WDFY4: variants seen among roughly 807,000 people sequenced by gnomAD.
The protein encoded by WDFY4 is WDFY family member 4, also known as WD repeat- and FYVE domain-containing protein 4.
Under a neutral mutation model 351.9 loss-of-function variants are expected in WDFY4, and 169 were observed. The ratio of observed to expected loss-of-function variants is 0.48; its 90% CI spans 0.42 to 0.55. WDFY4 has a LOEUF of 0.55. Among genes scored for constraint, WDFY4 ranks in the 20% least tolerant of loss-of-function variants. WDFY4 has a pLI of 0.00. For synonymous variants in WDFY4, 1,622 were observed against 1,574.6 expected (o/e 1.03, Z -0.71); for missense variants, 3,803 against 3,935.6 (o/e 0.97, Z 0.90).
intron 24 of WDFY4, among the ~76,000 whole-genome samples, chr10:48,800,180 A>G (rs887185808): frequency 1.3e-5 from 2 of 152,206 alleles, no homozygotes; most frequent in African/African-American, 2.4e-5. Context: ...CACCGCGCCC[A>G]GCCGGTTTCG....
chr10:48,833,172 TGAGAGAGA>T (rs35354863), intron 39 of WDFY4, among the ~76,000 whole-genome samples: 2 of 135,818 alleles, frequency 1.5e-5, no homozygotes, highest in African/African-American at 5.5e-5. Flanking sequence ...TGTGTGTGTG[TGAGAGAGA>T]GAGAGAGAGA....
At chr10:48,763,677 C>A (rs1287421231) in intron 13 of WDFY4, among the ~76,000 whole-genome samples, 1 of 152,200 alleles carries the variant, frequency 6.6e-6, no homozygotes, top group African/African-American at 2.4e-5. Flanking sequence ...ATGAAGTATG[C>A]AACTGATAAT....
Position 48,725,903 on chromosome 10 carries a change from A to G in WDFY4, c.614A>G (p.Asp205Gly), listed in dbSNP as rs2064252526. 1 of 1,545,076 alleles carries G rather than the reference A, an allele frequency of 6.5e-7. No individual in the cohort carries two copies. Among genetic ancestry groups the G allele is most frequent in the Non-Finnish European group, 8.8e-7 (1 of 1,141,594 alleles). ...CAGATGTTGCTCAATATTTGCAGTG[A>G]CTCTCAGGGCCTGGAGGGACTCCTC... ...FVQMLLNICS[D>G]SQGLEGLLSG... Residue 205 changes from aspartate (D) to glycine (G), a missense_variant, in exon 6 of 62, where the codon GAC becomes GGC. Transcript: ENST00000325239.
chr10:48,975,988 T>TA (rs953938959), intron 58 of WDFY4, among the ~76,000 whole-genome samples: 24 of 152,308 alleles, frequency 1.6e-4, no homozygotes, highest in African/African-American at 5.8e-4. Flanking sequence ...ATTGTGTCCC[T>TA]AGACCCCAGA....
At chr10:48,900,645 T>G (rs914031172) in intron 46 of WDFY4, among the ~76,000 whole-genome samples, 1 of 152,210 alleles carries the variant, frequency 6.6e-6, no homozygotes, top group African/African-American at 2.4e-5. Context: ...CTGGCTTTAT[T>G]TTCTAATTTT....
chr10:48,775,801 G>C lies in WDFY4; in HGVS notation c.2858G>C (p.Cys953Ser), dbSNP rs865897764. 6.4e-7 allele frequency: 1 copy of C among 1,551,632 alleles called. No homozygotes were observed. Residue 953 changes from cysteine to serine, a missense_variant, in exon 15 of 62, where the codon TGC becomes TCC. By Grantham distance (112) the Cys-to-Ser change is moderately radical. This residue lies in a region of WDFY4 where 3,054 missense variants were observed against 3,148.6 expected (regional missense o/e 0.97). Coordinates refer to ENST00000325239, the MANE Select transcript of WDFY4 (RefSeq NM_001394531.1). ...CACACACACAGAGGCAACCCTGGGT[G>C]CTCAGGTGAGGACAGTGGCAAGAAC... is the stretch of plus-strand genomic sequence containing the variant. ...SSHTHRGNPG[C>S]SGSQTAQGLA...
At chr10:48,735,856 C>G (rs1372967748) in intron 10 of WDFY4, 24 bp from the exon 11 acceptor site, 2 of 1,545,460 alleles carry the variant, frequency 1.3e-6, no homozygotes, top group African/African-American at 1.4e-5. Flanking sequence ...TGCCCTAGCC[C>G]CATTCTGTCT....
chr10:48,900,140 C>T (rs936863156), intron 45 of WDFY4, 81 bp from the exon 46 acceptor site: 24 of 1,264,462 alleles, frequency 1.9e-5, no homozygotes, highest in Non-Finnish European at 2.5e-5. Flanking sequence ...CCGCAATGAC[C>T]CATTTCCAGC....
intron 21 of WDFY4, 144 bp from the exon 22 acceptor site, chr10:48,789,730 T>C (rs1159103510): frequency 2.8e-6 from 2 of 715,350 alleles, no homozygotes; most frequent in African/African-American, 3.6e-5. Flanking sequence ...TGACATTGGT[T>C]CAATTGCTAT....
chr10:48,909,488 A>G (rs755035551), intron 47 of WDFY4: 1 of 126,344 alleles, frequency 7.9e-6, no homozygotes, highest in Admixed American at 7.5e-5. Context: ...GGTAATTTAT[A>G]AAGAAAAGAA....
intron 39 of WDFY4, among the ~76,000 whole-genome samples, chr10:48,862,634 A>G (rs1231517322): frequency 1.3e-5 from 2 of 152,240 alleles, no homozygotes; most frequent in Non-Finnish European, 2.9e-5. Context: ...TAATAATAAT[A>G]GAAATAAAGT....
chr10:48,828,929 G>C (rs751255547), intron 37 of WDFY4, 33 bp downstream of exon 37: 10 of 301,902 alleles, frequency 3.3e-5, no homozygotes, highest in Non-Finnish European at 5.1e-5. Context: ...TGTGTGGGCG[G>C]GGGGGGGGCG....
chr10:48,790,107 G>C, intron 22 of WDFY4, 122 bp downstream of exon 22: 1 of 937,738 alleles, frequency 1.1e-6, no homozygotes, highest in Non-Finnish European at 1.7e-6. Context: ...CCAGGGTCGG[G>C]AGGACCAGAG....
chr10:48,916,871 A>ATGTGTGTGTG (rs55891907), intron 47 of WDFY4, among the ~76,000 whole-genome samples: 9 of 149,286 alleles, frequency 6.0e-5, no homozygotes, highest in African/African-American at 2.0e-4. Flanking sequence ...CTTTAAAAAT[A>ATGTGTGTGTG]TGTGTGTGTG....
At position 48,862,680 on chromosome 10, in the gene WDFY4, A is replaced by G. The variant is rs2069385555; in HGVS notation, c.6664-4585A>G. Among the ~76,000 whole-genome samples the G allele has an allele frequency of 2.6e-5, 4 of 152,236 alleles. No homozygotes were observed. In the South Asian group the frequency reaches 8.3e-4, roughly 32 times the overall value. ...TGTAATGTACTTGAATCATCCTGAA[A>G]CCATCTTCCTCCAACCCCTCACCTC... On this transcript the variant is annotated intron_variant, in intron 39 of 61. Coordinates refer to ENST00000325239, the MANE Select transcript of WDFY4 (RefSeq NM_001394531.1).
intron 44 of WDFY4, among the ~76,000 whole-genome samples, chr10:48,894,133 T>G (rs1038004476): frequency 2.0e-5 from 3 of 152,234 alleles, no homozygotes; most frequent in African/African-American, 7.2e-5. Context: ...TTAGCTTTTC[T>G]GAGACTTTGG....
intron 39 of WDFY4, among the ~76,000 whole-genome samples, chr10:48,847,885 TG>T (rs1564413950): frequency 6.6e-6 from 1 of 152,188 alleles, no homozygotes; most frequent in African/African-American, 2.4e-5. Flanking sequence ...AATTAATATG[TG>T]AGTGAATTTA....
chr10:48,725,420 G>A (rs911733447), intron 5 of WDFY4, among the ~76,000 whole-genome samples: 1 of 152,204 alleles, frequency 6.6e-6, no homozygotes. Flanking sequence ...CATCAGGAAA[G>A]GGGATTGGCG....
At chr10:48,975,109 G>A in intron 58 of WDFY4, 68 bp downstream of exon 58, 1 of 1,546,802 alleles carries the variant, frequency 6.5e-7, no homozygotes, top group Non-Finnish European at 8.7e-7. Context: ...ACACTCAGGA[G>A]AAAGCCCAGA....
Sources: gnomAD v4.1 joint callset for allele counts (sites outside exome capture counted in the v4.1 genomes callset) on GRCh38, gnomAD v4.1.1 for gene constraint, gnomAD v4.1.1 regional missense constraint, MANE v1.5 for transcripts, NCBI Gene and HGNC (gene_info 2026-07-23, HGNC 2026-07-21) for gene names.